DLGAP2: variants seen among roughly 807,000 people sequenced by gnomAD.
DLGAP2 encodes DLG associated protein 2.
A neutral mutation model predicts 100.3 loss-of-function variants in DLGAP2; 26 were observed. The ratio of observed to expected loss-of-function variants is 0.26; its 90% CI spans 0.19 to 0.36. The LOEUF is 0.36. DLGAP2 is among the 10% of genes least tolerant of loss of function. The pLI, the probability that DLGAP2 is intolerant of heterozygous loss-of-function variation, is 1.00. For synonymous variants in DLGAP2, 886 were observed against 630.1 expected (o/e 1.41, Z -6.08); for missense variants, 1,858 against 1,453.2 (o/e 1.28, Z -4.53).
chr8:1,419,029 C>A (rs971269768), intron 3 of DLGAP2, among the ~76,000 whole-genome samples: 4 of 152,252 alleles, frequency 2.6e-5, no homozygotes, highest in African/African-American at 4.8e-5. Context: ...AGGCAGAGGC[C>A]AGGGCCATGT....
intron 2 of DLGAP2, among the ~76,000 whole-genome samples, chr8:1,169,834 A>G (rs1351989875): frequency 1.3e-5 from 2 of 151,788 alleles, no homozygotes; most frequent in African/African-American, 2.4e-5. Context: ...GCAAACAGAG[A>G]CAATTTGACT....
At chr8:1,289,650 C>T (rs1252033544) in intron 3 of DLGAP2, among the ~76,000 whole-genome samples, 1 of 152,154 alleles carries the variant, frequency 6.6e-6, no homozygotes, top group African/African-American at 2.4e-5. Flanking sequence ...GTCCCTGCTG[C>T]CTTTGAGATG....
chr8:1,037,601 T>C (rs1802172305), intron 2 of DLGAP2, among the ~76,000 whole-genome samples: 1 of 152,198 alleles, frequency 6.6e-6, no homozygotes, highest in African/African-American at 2.4e-5. Context: ...TTTTACGCTT[T>C]TGTTCTCTAC....
chr8:768,593 T>C (rs954832983), intron 1 of DLGAP2, among the ~76,000 whole-genome samples: 3 of 151,284 alleles, frequency 2.0e-5, no homozygotes, highest in Non-Finnish European at 4.4e-5. Flanking sequence ...CCCGGCTAAT[T>C]TTTTGTATTT....
At chr8:1,356,460 G>A (rs531216094) in intron 3 of DLGAP2, among the ~76,000 whole-genome samples, 1 of 152,322 alleles carries the variant, frequency 6.6e-6, no homozygotes, top group South Asian at 2.1e-4. Context: ...GGCTGCAGTG[G>A]GCGTCTCCAG....
At chr8:1,298,274 A>G (rs1178380024) in intron 3 of DLGAP2, among the ~76,000 whole-genome samples, 3 of 152,136 alleles carry the variant, frequency 2.0e-5, no homozygotes, top group Non-Finnish European at 2.9e-5. Context: ...AAGTCATATA[A>G]TTGAAGTTAT....
intron 6 of DLGAP2, among the ~76,000 whole-genome samples, chr8:1,586,045 T>C (rs1796108195): frequency 6.6e-6 from 1 of 152,270 alleles, no homozygotes; most frequent in Non-Finnish European, 1.5e-5. Context: ...AGTTTTCCGT[T>C]GCTGTCATAA....
intron 3 of DLGAP2, among the ~76,000 whole-genome samples, chr8:1,349,676 A>G (rs367563791): frequency 1.2e-4 from 7 of 58,664 alleles, no homozygotes; most frequent in East Asian, 8.4e-4. Context: ...GAGGGAGACT[A>G]TCATGAGCCT....
At chr8:1,470,775 A>ACCCCCCCAGGCTTTCCCGACCCCTC (rs1563168449) in intron 3 of DLGAP2, among the ~76,000 whole-genome samples, 2 of 75,982 alleles carry the variant, frequency 2.6e-5, no homozygotes, top group Non-Finnish European at 6.4e-5. Context: ...GCCTTTCCCG[A>ACCCCCCCAGGCTTTCCCGACCCCTC]CTCCCCCAGC....
chr8:1,437,440 GT>G (rs1563148336), intron 3 of DLGAP2, among the ~76,000 whole-genome samples: 1 of 152,188 alleles, frequency 6.6e-6, no homozygotes, highest in East Asian at 1.9e-4. Context: ...AACCCCACTG[GT>G]TTGTAGCGTA....
intron 1 of DLGAP2, among the ~76,000 whole-genome samples, chr8:836,796 C>G (rs1455614119): frequency 2.0e-5 from 3 of 152,296 alleles, no homozygotes; most frequent in Non-Finnish European, 2.9e-5. Context: ...AAGATGGCAT[C>G]TAACGGAGAT....
chr8:996,152 A>G (rs1237684002), intron 2 of DLGAP2, among the ~76,000 whole-genome samples: 1 of 151,822 alleles, frequency 6.6e-6, no homozygotes, highest in Non-Finnish European at 1.5e-5. Context: ...GTTCCTCTCC[A>G]CTCCAGAGCT....
intron 6 of DLGAP2, among the ~76,000 whole-genome samples, chr8:1,592,207 G>A (rs763564477): frequency 2.0e-5 from 3 of 152,198 alleles, no homozygotes; most frequent in Non-Finnish European, 2.9e-5. Context: ...CCCACTGCCA[G>A]TTTAGTCCAG....
chr8:1,006,715 C>T (rs1801122579), intron 2 of DLGAP2, among the ~76,000 whole-genome samples: 1 of 112,968 alleles, frequency 8.9e-6, no homozygotes, highest in Non-Finnish European at 1.7e-5. Context: ...TCCTTTATCA[C>T]ATCAGGGACA....
intron 4 of DLGAP2, among the ~76,000 whole-genome samples, chr8:1,544,607 G>T (rs1018056839): frequency 1.3e-5 from 2 of 152,114 alleles, no homozygotes; most frequent in Non-Finnish European, 2.9e-5. Context: ...TTCTATTAAA[G>T]TGATTTATTA....
chr8:1,607,243 TTAATCTC>T (rs1235273960), intron 6 of DLGAP2, among the ~76,000 whole-genome samples: 21 of 152,212 alleles, frequency 1.4e-4, no homozygotes, highest in African/African-American at 4.1e-4. Flanking sequence ...CTTATATTCT[TTAATCTC>T]TAAAGATTTA....
chr8:1,308,357 TA>T (rs1330939745), intron 3 of DLGAP2, among the ~76,000 whole-genome samples: 3 of 152,160 alleles, frequency 2.0e-5, no homozygotes, highest in Non-Finnish European at 4.4e-5. Context: ...GGAAAGTCAC[TA>T]AACAGACTAC....
Position 1,549,191 on chromosome 8 carries a change from G to A in DLGAP2, c.738G>A (p.Leu246=), listed in dbSNP as rs1801667796. The change falls in exon 5 of 15, where the codon CTG becomes CTA. Residue 246 remains leucine, a synonymous_variant. Coordinates refer to ENST00000637795, the MANE Select transcript of DLGAP2 (RefSeq NM_001346810.2). ...AGCTCTTCACCAAGTCGCACTCGCT[G>A]GAGGGCTCCTCCAAAAGCAACGCCA... The part of the protein sequence containing the change: ...VQKLFTKSHS[L]EGSSKSNANG... 1 of 1,600,426 alleles carries A rather than the reference G, an allele frequency of 6.2e-7. No individual in the cohort carries two copies.
chr8:1,491,616 C>G (rs1047239218), intron 3 of DLGAP2, among the ~76,000 whole-genome samples: 1 of 152,150 alleles, frequency 6.6e-6, no homozygotes, highest in African/African-American at 2.4e-5. Context: ...TGCAGGGGAC[C>G]TAACGCCGCA....
Sources: gnomAD v4.1 joint callset for allele counts (sites outside exome capture counted in the v4.1 genomes callset) on GRCh38, gnomAD v4.1.1 for gene constraint, MANE v1.5 for transcripts, NCBI Gene and HGNC (gene_info 2026-07-23, HGNC 2026-07-21) for gene names.